Variants in ARID1A observed in about 807,000 individuals in gnomAD.
ARID1A encodes the protein AT-rich interaction domain 1A.
Under a neutral mutation model 212.6 loss-of-function variants are expected in ARID1A, and 20 were observed. The ratio of observed to expected loss-of-function variants is 0.09; its 90% confidence interval spans 0.07 to 0.14. The LOEUF (loss-of-function observed/expected upper bound fraction) is 0.14, where lower values mean the gene tolerates loss of function less well. ARID1A is among the 10% of genes least tolerant of loss of function. ARID1A has a pLI of 1.00. For synonymous variants in ARID1A, 1,376 were observed against 1,222.1 expected (o/e 1.13, Z -2.63); for missense variants, 2,587 against 3,059.0 (o/e 0.85, Z 3.64).
At chr1:26,728,289 G>C (rs34576193) in intron 1 of ARID1A, among the ~76,000 whole-genome samples, 8,483 of 152,100 alleles carry the variant, frequency 0.056, 312 homozygotes, top group Non-Finnish European at 0.08. Flanking sequence ...AGCCTCTGTG[G>C]CTTATTGTCT....
At position 26,779,667 on chromosome 1, in the gene ARID1A, C is replaced by T. The variant is rs753993188; in HGVS notation, c.5769C>T (p.Thr1923=). ...DMLSTRSSTL[T]EDGAKSSEAI... ...TGTCTACTCGGTCTAGCACCTTGAC[C>T]GAGGATGGAGCTAAGAGTTCAGAGG... The change falls in exon 20 of 20, where the codon ACC becomes ACT. Residue 1923 remains threonine, a synonymous_variant. Coordinates refer to ENST00000324856, the MANE Select transcript of ARID1A (RefSeq NM_006015.6). 1 of 1,614,064 alleles carries T rather than the reference C, an allele frequency of 6.2e-7. No individual in the cohort carries two copies. Among genetic ancestry groups the T allele is most frequent in the South Asian group, 1.1e-5 (1 of 91,066 alleles).
chr1:26,768,034 GT>G (rs2081053836), intron 11 of ARID1A, 35 bp downstream of exon 11: 5 of 1,601,804 alleles, frequency 3.1e-6, no homozygotes, highest in Non-Finnish European at 4.3e-6. Context: ...TGCCCCTGTG[GT>G]TTCCACAAAC....
Position 26,774,956 on chromosome 1 carries a change from A to G in ARID1A, c.4729A>G (p.Ser1577Gly). 2.3e-6 allele frequency: 3 copies of G among 1,331,834 alleles called. No individual in the cohort carries two copies. The highest frequency in any genetic ancestry group is 2.9e-6 in the Non-Finnish European group (3 of 1,017,844). 82.5% of individuals were successfully genotyped at this position (1,331,834 alleles called of 1,614,324 possible). A position where few individuals can be genotyped will look rare whatever the true frequency, so the allele number is the denominator to read the frequency against. ...TCCATCTAACTACCAGCCCCCACCA[A>G]GCATGCAGAATCACATTCCTCAGGT... Reference protein sequence around the residue: ...PPPSNYQPPPSMQNHIPQVSS... With the variant: ...PPPSNYQPPPGMQNHIPQVSS... Residue 1577 changes from serine (S) to glycine (G), a missense_variant, in exon 18 of 20, where the codon AGC (serine) becomes GGC (glycine). This residue lies in a region of ARID1A where 890 missense variants were observed against 1,098.2 expected (regional missense o/e 0.81). Coordinates refer to ENST00000324856, the MANE Select transcript of ARID1A (RefSeq NM_006015.6). The surrounding 1 kb of genome is among the most constrained non-coding windows in gnomAD (Gnocchi z 5.6).
At chr1:26,766,417 C>T (rs2124080962) in intron 9 of ARID1A, 40 bp from the exon 10 acceptor site, 2 of 1,613,886 alleles carry the variant, frequency 1.2e-6, no homozygotes, top group Non-Finnish European at 1.7e-6. Context: ...CACATCACAG[C>T]TAAACTTACT....
At chr1:26,700,170 T>C (rs905640715) in intron 1 of ARID1A, among the ~76,000 whole-genome samples, 18 of 152,214 alleles carry the variant, frequency 1.2e-4, no homozygotes, top group Non-Finnish European at 2.5e-4. Flanking sequence ...GTGAGGGTTG[T>C]AGGTTCAGAC....
In ARID1A at chr1:26,696,765, C is replaced by CCGGCGG. The variant is rs951330386; in HGVS notation, c.369_374dup (p.Gly126_Gly127dup). 1.5e-6 allele frequency: 2 copies of CCGGCGG among 1,347,452 alleles called. No individual in the cohort carries two copies. The highest frequency in any genetic ancestry group is 1.9e-6 in the Non-Finnish European group (2 of 1,054,100). 83.5% of individuals were successfully genotyped at this position (1,347,452 alleles called of 1,614,324 possible). A position where few individuals can be genotyped will look rare whatever the true frequency, so the allele number is the denominator to read the frequency against. ...CTGAACAATAACCTCACGGAGCCGC[C>CCGGCGG]CGGCGGCGGCGGTGGCGGCAGCAGC... On this transcript the variant is annotated inframe_insertion, in exon 1 of 20. Transcript: ENST00000324856.
chr1:26,730,893 T>C (rs1049161249), intron 2 of ARID1A, among the ~76,000 whole-genome samples: 6 of 152,198 alleles, frequency 3.9e-5, no homozygotes, highest in African/African-American at 1.4e-4. Flanking sequence ...CTCAAACTTA[T>C]GTTGCCCAAA....
chr1:26,768,054 A>G lies in ARID1A; in HGVS notation c.3198+55A>G, dbSNP rs1400283161. ...CTGTGGTTTCCACAAACCCCTTTCT[A>G]GGTACTCACTGGCTTCATGTGGTAC... On this transcript the variant is annotated intron_variant, in intron 11 of 19. Coordinates refer to ENST00000324856, the MANE Select transcript of ARID1A (RefSeq NM_006015.6). The G allele has an allele frequency of 1.2e-5, 19 of 1,558,298 alleles. No individual in the cohort carries two copies. In the Admixed American group the frequency reaches 1.9e-4, roughly 16 times the overall value.
intron 7 of ARID1A, 107 bp downstream of exon 7, chr1:26,762,426 T>C: frequency 7.6e-7 from 1 of 1,313,230 alleles, no homozygotes. Flanking sequence ...AGGGCTGTCC[T>C]TTGCCTTTAA....
chr1:26,779,625 C>T lies in ARID1A; in HGVS notation c.5727C>T (p.Ala1909=), dbSNP rs2124142226. The T allele has an allele frequency of 6.2e-7, 1 of 1,614,116 alleles. No individual in the cohort carries two copies. The highest frequency in any genetic ancestry group is 1.1e-5 in the South Asian group (1 of 91,072). The change falls in exon 20 of 20, where the codon GCC becomes GCT. Residue 1909 remains alanine, a synonymous_variant. Transcript: ENST00000324856. The part of the protein sequence containing the change: ...PDGPPEKRIT[A]TMDDMLSTRS... ...GACCTCCAGAAAAACGGATCACAGC[C>T]ACTATGGATGACATGTTGTCTACTC... is the stretch of plus-strand genomic sequence containing the variant.
chr1:26,760,287 A>G (rs2080978381), intron 4 of ARID1A, among the ~76,000 whole-genome samples: 1 of 152,226 alleles, frequency 6.6e-6, no homozygotes, highest in African/African-American at 2.4e-5. Context: ...CTACTGTTGC[A>G]CTATAGTGTC....
rs2124743894 is a variant in ARID1A, at chr1:26,697,251, G to A, written c.848G>A (p.Gly283Asp). 1 of 1,372,944 alleles carries A rather than the reference G, an allele frequency of 7.3e-7. No individual in the cohort carries two copies. Among genetic ancestry groups the A allele is most frequent in the Non-Finnish European group, 9.3e-7 (1 of 1,070,946 alleles). 85.0% of individuals were successfully genotyped at this position (1,372,944 alleles called of 1,614,324 possible). The change falls in exon 1 of 20, where the codon GGC (glycine) becomes GAC (aspartate). Residue 283 changes from glycine to aspartate, a missense_variant. By Grantham distance (94) the Gly-to-Asp change is moderately conservative. Transcript: ENST00000324856. ...AMGGGGPSAA[G>D]GGTPQPTATP... ...GGGGGAGGCGGCCCCTCCGCGGCCG[G>A]CGGGGGAACTCCCCAGCCCACCGCC... is the stretch of plus-strand genomic sequence containing the variant.
intron 1 of ARID1A, among the ~76,000 whole-genome samples, chr1:26,704,790 T>G (rs1368324747): frequency 1.3e-5 from 2 of 151,772 alleles, no homozygotes; most frequent in African/African-American, 4.8e-5. Context: ...GCCCAGGAGG[T>G]TGAGGCTGTT....
At chr1:26,749,824 C>G (rs768892363) in intron 4 of ARID1A, among the ~76,000 whole-genome samples, 4 of 152,178 alleles carry the variant, frequency 2.6e-5, no homozygotes, top group Non-Finnish European at 4.4e-5. Flanking sequence ...GAGTTTTAAA[C>G]AGGAGAATCA....
Position 26,703,825 on chromosome 1 carries a change from C to T in ARID1A, c.1137+6285C>T, listed in dbSNP as rs1025193393. Among the ~76,000 whole-genome samples the T allele has an allele frequency of 3.3e-5, 5 of 152,176 alleles. No individual in the cohort carries two copies. In the East Asian group the frequency reaches 7.7e-4, roughly 23 times the overall value. ...GATTTAAAAGGTAGAAACAATATCT[C>T]CTTCAGAGGCATTTAGTTTTCTTAG... is the stretch of plus-strand genomic sequence containing the variant. On this transcript the variant is annotated intron_variant, in intron 1 of 19. Transcript: ENST00000324856.
chr1:26,696,877 G>T lies in ARID1A; in HGVS notation c.474G>T (p.Pro158=), dbSNP rs1197881468. ...YGFGQPYGRS[P]SAVAAAAAAV... ...TCGGGCAACCCTACGGCCGGAGCCC[G>T]TCTGCCGTCGCCGCCGCCGCGGCCG... is the stretch of plus-strand genomic sequence containing the variant. The change falls in exon 1 of 20, where the codon CCG becomes CCT. Residue 158 remains proline, a synonymous_variant. Coordinates refer to ENST00000324856, the MANE Select transcript of ARID1A (RefSeq NM_006015.6). 17 of 1,360,032 alleles carry T rather than the reference G, an allele frequency of 1.2e-5. No homozygotes were observed. The highest frequency in any genetic ancestry group is 4.0e-5 in the Admixed American group (1 of 24,714). 84.2% of individuals were successfully genotyped at this position (1,360,032 alleles called of 1,614,324 possible).
rs566877377 is a variant in ARID1A, at chr1:26,719,124, A to T, written c.1138-10527A>T. 2.6e-5 allele frequency among the ~76,000 whole-genome samples: 4 copies of T among 152,252 alleles called. No homozygotes were observed. The South Asian group carries it at 8.3e-4, about 32-fold the overall frequency. Reference sequence around the variant, plus strand: ...ACTAGAGTTTCACTTTCTCTTCTACATTCCCCTTTCCTTTCCTGCTTTTGG... The same window carrying T: ...ACTAGAGTTTCACTTTCTCTTCTACTTTCCCCTTTCCTTTCCTGCTTTTGG... On this transcript the variant is annotated intron_variant, in intron 1 of 19. Coordinates refer to ENST00000324856, the MANE Select transcript of ARID1A (RefSeq NM_006015.6).
chr1:26,724,471 G>C (rs2080597906), intron 1 of ARID1A, among the ~76,000 whole-genome samples: 1 of 152,266 alleles, frequency 6.6e-6, no homozygotes, highest in Admixed American at 6.5e-5. Context: ...ACTGCCACGG[G>C]TGGTACATTT....
chr1:26,780,779 C>A lies in ARID1A; in HGVS notation c.*23C>A, dbSNP rs200568725. 31 of 1,543,892 alleles carry A rather than the reference C, an allele frequency of 2.0e-5. No individual in the cohort carries two copies. Among genetic ancestry groups the A allele is most frequent in the African/African-American group, 5.4e-5 (4 of 74,028 alleles). On this transcript the variant is annotated 3_prime_UTR_variant, in exon 20 of 20. Coordinates refer to ENST00000324856, the MANE Select transcript of ARID1A (RefSeq NM_006015.6). This position sits in a 1 kb window ranked among gnomAD's most constrained non-coding sequence, Gnocchi z 7.2. ...TGACAGCCGTGGGACACCTCCCCCC[C>A]CCGTGTGTGTGTGCGTGTGTGGAGA...
Sources: allele counts gnomAD v4.1 joint callset (sites outside exome capture counted in the v4.1 genomes callset), GRCh38; gene constraint gnomAD v4.1.1; regional missense constraint gnomAD v4.1.1; non-coding constraint Gnocchi (gnomAD v3.1); transcripts MANE v1.5; gene names NCBI Gene and HGNC (gene_info 2026-07-23, HGNC 2026-07-21).